PRKN: variants seen among roughly 807,000 people sequenced by gnomAD.
PRKN encodes the protein E3 ubiquitin-protein ligase parkin.
PRKN carries 56 observed loss-of-function variants against 59.5 expected under a neutral mutation model. The ratio of observed to expected loss-of-function variants is 0.94; its 90% CI spans 0.76 to 1.18. The LOEUF (loss-of-function observed/expected upper bound fraction) is 1.18. PRKN is among the 50% of genes most tolerant of loss of function. The probability of loss-of-function intolerance (pLI) is 0.00; values close to 1 mark genes in which losing one functional copy is unlikely to be tolerated. For missense variants in PRKN, 657 were observed against 596.4 expected (o/e 1.10, Z -1.06); for synonymous variants, 250 against 222.1 (o/e 1.13, Z -1.12).
intron 6 of PRKN, among the ~76,000 whole-genome samples, chr6:161,823,473 C>T (rs1196512672): frequency 6.6e-6 from 1 of 152,050 alleles, no homozygotes; most frequent in East Asian, 1.9e-4. Flanking sequence ...TCTTTAAAAT[C>T]CTGTCCATAA....
Position 161,395,933 on chromosome 6 carries a change from C to G in PRKN, c.1084-9056G>C. 6.6e-6 allele frequency among the ~76,000 whole-genome samples: 1 copy of G among 152,140 alleles called. No homozygotes were observed. Among genetic ancestry groups the G allele is most frequent in the East Asian group, 1.9e-4 (1 of 5,198 alleles). ...AGCGGCTTTAAACACAGACAGCCAA[C>G]AAATTAGAGGTCCAGGTTAGAGAGA... On this transcript the variant is annotated intron_variant, in intron 9 of 11. Coordinates refer to ENST00000366898, the MANE Select transcript of PRKN (RefSeq NM_004562.3). This position sits in a 1 kb window ranked among gnomAD's most constrained non-coding sequence, Gnocchi z 5.0.
intron 7 of PRKN, among the ~76,000 whole-genome samples, chr6:161,740,115 G>A (rs568763296): frequency 2.8e-4 from 43 of 152,276 alleles, no homozygotes; most frequent in African/African-American, 8.4e-4. Context: ...GTTATCAAAC[G>A]AGTTGATACA....
At chr6:162,046,904 T>TG (rs1554264135) in intron 5 of PRKN, among the ~76,000 whole-genome samples, 4 of 148,922 alleles carry the variant, frequency 2.7e-5, no homozygotes, top group African/African-American at 9.8e-5. Context: ...CCTTAACAAT[T>TG]AAAAAAAAAA....
At chr6:161,623,044 C>T (rs1782963277) in intron 7 of PRKN, among the ~76,000 whole-genome samples, 1 of 151,948 alleles carries the variant, frequency 6.6e-6, no homozygotes, top group Non-Finnish European at 1.5e-5. Flanking sequence ...TAGCTATTTA[C>T]AATAGATTGC....
intron 6 of PRKN, among the ~76,000 whole-genome samples, chr6:161,909,574 G>A (rs997246643): frequency 1.3e-5 from 2 of 152,142 alleles, no homozygotes; most frequent in Non-Finnish European, 2.9e-5. Context: ...AGAAGGAACC[G>A]GACATGTATG....
intron 9 of PRKN, among the ~76,000 whole-genome samples, chr6:161,489,010 A>C (rs532885185): frequency 6.6e-5 from 10 of 152,340 alleles, no homozygotes; most frequent in African/African-American, 2.4e-4. Flanking sequence ...GACTAGAAGA[A>C]AAACATGAAA....
intron 4 of PRKN, among the ~76,000 whole-genome samples, chr6:162,164,511 C>G (rs1782896897): frequency 6.7e-6 from 1 of 149,054 alleles, no homozygotes; most frequent in Non-Finnish European, 1.5e-5. Flanking sequence ...CATGCCTGGC[C>G]TAATCTGTGG....
chr6:162,310,707 C>A (rs1269751195), intron 2 of PRKN, among the ~76,000 whole-genome samples: 1 of 151,476 alleles, frequency 6.6e-6, no homozygotes, highest in African/African-American at 2.4e-5. Context: ...AACAAACCTG[C>A]ACATTGTGCA....
intron 5 of PRKN, among the ~76,000 whole-genome samples, chr6:162,025,805 T>A (rs1783412426): frequency 6.6e-6 from 1 of 151,650 alleles, no homozygotes; most frequent in South Asian, 2.1e-4. Context: ...GCCAGGCTGG[T>A]GTTGAACTCC....
chr6:162,414,327 T>C (rs1452289287), intron 2 of PRKN, among the ~76,000 whole-genome samples: 1 of 152,078 alleles, frequency 6.6e-6, no homozygotes, highest in Non-Finnish European at 1.5e-5. Context: ...AGCTAATCTC[T>C]GTGTTAGGTA....
rs1214504894 is a variant in PRKN at position 161,757,915 on chromosome 6, A to AT, written c.871+27856_871+27857insA. On this transcript the variant is annotated intron_variant, in intron 7 of 11. Coordinates refer to ENST00000366898, the MANE Select transcript of PRKN (RefSeq NM_004562.3). ...CACACACACACACACACACACACAC[A>AT]CACACATCTCTCTCTCTGTATATAT... Among the ~76,000 whole-genome samples the AT allele has an allele frequency of 2.1e-5, 3 of 139,608 alleles. 1 individual carries two copies. Among genetic ancestry groups the AT allele is most frequent in the Non-Finnish European group, 4.6e-5 (3 of 65,508 alleles). 91.6% of individuals were successfully genotyped at this position (139,608 alleles called of 152,430 possible). A position where few individuals can be genotyped will look rare whatever the true frequency, so the allele number is the denominator to read the frequency against.
intron 1 of PRKN, among the ~76,000 whole-genome samples, chr6:162,716,770 ACGCACACACACACG>A (rs1026751344): frequency 7.3e-6 from 1 of 136,288 alleles, no homozygotes; most frequent in African/African-American, 3.2e-5. Context: ...GCGCGCGCGC[ACGCACACACACACG>A]CGCACACACA....
intron 5 of PRKN, among the ~76,000 whole-genome samples, chr6:161,980,047 T>C (rs1373907849): frequency 1.3e-5 from 2 of 152,160 alleles, no homozygotes; most frequent in African/African-American, 4.8e-5. Flanking sequence ...CAAATTACTA[T>C]AAAGGTAGAT....
intron 2 of PRKN, among the ~76,000 whole-genome samples, chr6:162,443,001 T>C (rs918929266): frequency 4.6e-5 from 7 of 152,186 alleles, no homozygotes; most frequent in African/African-American, 1.7e-4. Context: ...AAGGTAGAAA[T>C]TGAACAGACA....
At chr6:161,757,869 C>CTG (rs1289998570) in intron 7 of PRKN, among the ~76,000 whole-genome samples, 1,933 of 105,786 alleles carry the variant, frequency 0.018, 72 homozygotes, top group Middle Eastern at 0.04. Flanking sequence ...CTCTCTCTCT[C>CTG]TCTGTGTATA....
intron 3 of PRKN, among the ~76,000 whole-genome samples, chr6:162,218,303 T>C (rs1175038673): frequency 6.6e-6 from 1 of 152,164 alleles, no homozygotes; most frequent in Non-Finnish European, 1.5e-5. Context: ...CAGCCTGTGT[T>C]CCTGCTGAGA....
intron 4 of PRKN, among the ~76,000 whole-genome samples, chr6:162,088,628 G>A (rs1047478325): frequency 2.0e-4 from 30 of 152,150 alleles, no homozygotes; most frequent in Admixed American, 1.1e-3. Flanking sequence ...TACACGAAAC[G>A]GGTAAATTCC....
At chr6:161,784,293 T>C (rs1237247648) in intron 7 of PRKN, among the ~76,000 whole-genome samples, 1 of 152,136 alleles carries the variant, frequency 6.6e-6, no homozygotes, top group Non-Finnish European at 1.5e-5. Flanking sequence ...AACAGATAAA[T>C]TGCATTTCAT....
intron 7 of PRKN, among the ~76,000 whole-genome samples, chr6:161,645,077 A>T (rs1354954861): frequency 1.3e-5 from 2 of 152,202 alleles, no homozygotes; most frequent in East Asian, 3.8e-4. Context: ...AAATTCAAAG[A>T]TGGGAAGCCA....
Sources: allele counts gnomAD v4.1 joint callset (sites outside exome capture counted in the v4.1 genomes callset), GRCh38; gene constraint gnomAD v4.1.1; non-coding constraint Gnocchi (gnomAD v3.1); transcripts MANE v1.5; gene names NCBI Gene and HGNC (gene_info 2026-07-23, HGNC 2026-07-21).